The following CSMD3 variants were observed in gnomAD, a reference collection of about 807,000 sequenced individuals.
CSMD3 encodes CUB and sushi domain-containing protein 3.
Under a neutral mutation model 435.2 loss-of-function variants are expected in CSMD3, and 177 were observed. The observed-to-expected ratio is 0.41, with a 90% CI of 0.36 to 0.46. The LOEUF (loss-of-function observed/expected upper bound fraction) is 0.46, where lower values mean the gene tolerates loss of function less well. CSMD3 is among the 20% of genes least tolerant of loss of function. The pLI, the probability that CSMD3 is intolerant of heterozygous loss-of-function variation, is 0.34. For synonymous variants in CSMD3, 1,656 were observed against 1,520.5 expected, an observed-to-expected ratio of 1.09 and a Z score of -2.07; for missense variants, 4,265 against 4,504.6, an observed-to-expected ratio of 0.95 and a Z score of 1.52.
At chr8:112,279,487 T>C (rs1818421943) in intron 59 of CSMD3, among the ~76,000 whole-genome samples, 1 of 152,202 alleles carries the variant, frequency 6.6e-6, no homozygotes, top group Non-Finnish European at 1.5e-5. Flanking sequence ...ATATTAATTA[T>C]CTGGCATTTA....
intron 11 of CSMD3, among the ~76,000 whole-genome samples, chr8:112,835,394 G>A (rs1587433564): frequency 2.0e-5 from 3 of 151,914 alleles, no homozygotes; most frequent in East Asian, 3.9e-4. Flanking sequence ...TTTATATTAT[G>A]TAAAACACTG....
chr8:113,309,521 GTGTTA>G lies in CSMD3; in HGVS notation c.401+5045_401+5049del, dbSNP rs969245163. ...TTATCTGCCTCCGCCTTAAGATTTT[GTGTTA>G]TGTTAACACTTACACTTACATTTGA... On this transcript the variant is annotated intron_variant, in intron 2 of 70. Transcript: ENST00000297405. The G allele has an allele frequency of 5.3e-5, 8 of 152,238 alleles. No individual in the cohort carries two copies. In the East Asian group the frequency reaches 7.7e-4, roughly 15 times the overall value. The allele number at this position is 152,238 out of a possible 1,614,324, so 9.4% of individuals were successfully genotyped here.
intron 35 of CSMD3, among the ~76,000 whole-genome samples, chr8:112,395,401 G>T (rs931032638): frequency 6.6e-6 from 1 of 152,054 alleles, no homozygotes; most frequent in African/African-American, 2.4e-5. Context: ...CTTTTTCATG[G>T]ATGAATGGAT....
intron 13 of CSMD3, among the ~76,000 whole-genome samples, chr8:112,768,152 C>T (rs903260646): frequency 9.9e-5 from 15 of 151,068 alleles, no homozygotes; most frequent in Non-Finnish European, 1.9e-4. Flanking sequence ...CATAAATATG[C>T]ATAATATAAA....
At chr8:112,946,681 A>G (rs1204081577) in intron 9 of CSMD3, among the ~76,000 whole-genome samples, 1 of 151,810 alleles carries the variant, frequency 6.6e-6, no homozygotes, top group Non-Finnish European at 1.5e-5. Flanking sequence ...TAAAATCAGT[A>G]TAACATGTCA....
chr8:112,771,718 G>A (rs1159885486), intron 13 of CSMD3, among the ~76,000 whole-genome samples: 1 of 151,700 alleles, frequency 6.6e-6, no homozygotes, highest in African/African-American at 2.4e-5. Context: ...GAAACAAGAA[G>A]GAAACAACAA....
chr8:112,499,088 A>T (rs190581629), intron 30 of CSMD3, among the ~76,000 whole-genome samples: 1 of 152,164 alleles, frequency 6.6e-6, no homozygotes, highest in African/African-American at 2.4e-5. Context: ...GGGGATGCAC[A>T]TGGTAAGTAA....
intron 13 of CSMD3, among the ~76,000 whole-genome samples, chr8:112,771,869 G>C (rs575114199): frequency 1.3e-5 from 2 of 152,064 alleles, no homozygotes; most frequent in East Asian, 3.9e-4. Flanking sequence ...ACAATATTGT[G>C]GTAAATCAGA....
intron 22 of CSMD3, among the ~76,000 whole-genome samples, chr8:112,606,972 GAAAAAAAAAA>G (rs71309778): frequency 2.7e-5 from 1 of 36,644 alleles, no homozygotes; most frequent in Admixed American, 4.3e-4. Flanking sequence ...CTCAAGCTAT[GAAAAAAAAAA>G]AAAAAAAAAA....
chr8:113,019,902 G>A (rs1186047382), intron 5 of CSMD3, among the ~76,000 whole-genome samples: 3 of 151,914 alleles, frequency 2.0e-5, no homozygotes, highest in African/African-American at 4.8e-5. Flanking sequence ...GGTGGCTCAC[G>A]CCTGTAATCC....
chr8:113,332,975 A>C (rs554258469), intron 1 of CSMD3, among the ~76,000 whole-genome samples: 1 of 151,790 alleles, frequency 6.6e-6, no homozygotes, highest in Non-Finnish European at 1.5e-5. Context: ...ATAGTTTTAC[A>C]TATATAGACA....
intron 4 of CSMD3, among the ~76,000 whole-genome samples, chr8:113,124,648 G>C (rs1434421782): frequency 6.6e-6 from 1 of 151,882 alleles, no homozygotes; most frequent in Non-Finnish European, 1.5e-5. Context: ...CACAGTCCTT[G>C]AAAATAAGTG....
At chr8:112,598,308 C>T (rs1831956375) in intron 22 of CSMD3, among the ~76,000 whole-genome samples, 1 of 147,366 alleles carries the variant, frequency 6.8e-6, no homozygotes, top group African/African-American at 2.6e-5. Flanking sequence ...ATCCAACTTA[C>T]AAGGGATGGG....
At chr8:112,549,317 T>A (rs549813096) in intron 27 of CSMD3, among the ~76,000 whole-genome samples, 3 of 152,184 alleles carry the variant, frequency 2.0e-5, no homozygotes, top group Admixed American at 6.5e-5. Flanking sequence ...GTTTTCTAAT[T>A]CGGAGCCATT....
chr8:112,254,822 T>A (rs1815628919), intron 62 of CSMD3, among the ~76,000 whole-genome samples: 1 of 152,212 alleles, frequency 6.6e-6, no homozygotes, highest in East Asian at 1.9e-4. Flanking sequence ...AATGACAGAT[T>A]ATTTGGTTAG....
At chr8:113,381,056 G>A (rs1480927923) in intron 1 of CSMD3, among the ~76,000 whole-genome samples, 2 of 152,198 alleles carry the variant, frequency 1.3e-5, no homozygotes, top group East Asian at 1.9e-4. Flanking sequence ...TGCCAAGCTC[G>A]CACAATGTTT....
Position 112,223,288 on chromosome 8 carries a change from A to C in CSMD3, c.*1483T>G, listed in dbSNP as rs1812310410. 8.1e-6 allele frequency: 3 copies of C among 370,570 alleles called. No homozygotes were observed. The East Asian group carries it at 1.1e-4, about 14-fold the overall frequency. The allele number at this position is 370,570 out of a possible 1,614,324, so 23.0% of individuals were successfully genotyped here. A position where few individuals can be genotyped will look rare whatever the true frequency, so the allele number is the denominator to read the frequency against. ...ACAAGAAATTCATTAAATGTTGTAG[A>C]GATAGAGCCAAGCAGCGCTCCCAGG... is the stretch of plus-strand genomic sequence containing the variant. On this transcript the variant is annotated 3_prime_UTR_variant, in exon 71 of 71. Coordinates refer to ENST00000297405, the MANE Select transcript of CSMD3 (RefSeq NM_198123.2).
chr8:112,532,036 A>G (rs1258896795), intron 27 of CSMD3, among the ~76,000 whole-genome samples: 2 of 151,638 alleles, frequency 1.3e-5, no homozygotes, highest in African/African-American at 4.8e-5. Flanking sequence ...AAATAATTTA[A>G]AAAATCAAAC....
At chr8:113,435,832 C>G (rs1306672956) in intron 1 of CSMD3, among the ~76,000 whole-genome samples, 1 of 152,052 alleles carries the variant, frequency 6.6e-6, no homozygotes, top group East Asian at 1.9e-4. Context: ...CTATTTTCTC[C>G]CTAAGGACAG....
Sources: allele counts gnomAD v4.1 joint callset (sites outside exome capture counted in the v4.1 genomes callset), GRCh38; gene constraint gnomAD v4.1.1; transcripts MANE v1.5; gene names NCBI Gene and HGNC (gene_info 2026-07-23, HGNC 2026-07-21).